Variants in HSPA4 observed in about 807,000 individuals in gnomAD.
The protein encoded by HSPA4 is heat shock protein family A (Hsp70) member 4.
HSPA4 carries 25 observed loss-of-function variants against 106.2 expected under a neutral mutation model. The observed-to-expected ratio is 0.24, with a 90% confidence interval of 0.17 to 0.33. The LOEUF (loss-of-function observed/expected upper bound fraction) is 0.33. HSPA4 is among the 10% of genes least tolerant of loss of function. The pLI is 1.00. For synonymous variants in HSPA4, 332 were observed against 333.6 expected (o/e 1.00, Z 0.05); for missense variants, 841 against 996.0 (o/e 0.84, Z 2.10).
intron 3 of HSPA4, among the ~76,000 whole-genome samples, chr5:133,068,748 A>G (rs371455446): frequency 3.3e-5 from 5 of 152,144 alleles, no homozygotes; most frequent in East Asian, 1.9e-4. Flanking sequence ...GAAATGTGCA[A>G]TACTTATTAG....
Position 133,099,576 on chromosome 5 carries a change from A to T in HSPA4, c.1961A>T (p.Asp654Val). 6.2e-6 allele frequency: 10 copies of T among 1,600,754 alleles called. No individual in the cohort carries two copies. Among genetic ancestry groups the T allele is most frequent in the South Asian group, 1.1e-5 (1 of 90,200 alleles). ...AACAGTTTTACTTTGAAACTGGAAG[A>T]TACTGAAAATTGGTTGTATGAGGAT... ...DRNSFTLKLEDTENWLYEDGE... is the reference protein window; with the variant it reads ...DRNSFTLKLEVTENWLYEDGE... Residue 654 changes from aspartate to valine, a missense_variant, in exon 16 of 19, where the codon GAT becomes GTT. Physicochemically the swap from Asp to Val is radical, Grantham distance 152. Coordinates refer to ENST00000304858, the MANE Select transcript of HSPA4 (RefSeq NM_002154.4).
intron 6 of HSPA4, among the ~76,000 whole-genome samples, chr5:133,074,616 C>T (rs1206796531): frequency 6.6e-6 from 1 of 152,154 alleles, no homozygotes; most frequent in African/African-American, 2.4e-5. Context: ...GTGAATTTTA[C>T]ACTGGGGATT....
intron 7 of HSPA4, among the ~76,000 whole-genome samples, chr5:133,083,168 CG>C (rs1320526259): frequency 6.6e-6 from 1 of 150,724 alleles, no homozygotes; most frequent in Non-Finnish European, 1.5e-5. Context: ...AAAAATTACC[CG>C]GGCTTGGTGG....
intron 5 of HSPA4, 118 bp downstream of exon 5, chr5:133,073,447 A>G (rs541397885): frequency 3.0e-6 from 2 of 659,120 alleles, no homozygotes; most frequent in South Asian, 1.9e-5. Flanking sequence ...CTTGCTTACC[A>G]CTGTGGTCAT....
At chr5:133,088,886 T>C (rs935330865) in intron 9 of HSPA4, among the ~76,000 whole-genome samples, 169 bp from the exon 10 acceptor site, 15 of 152,196 alleles carry the variant, frequency 9.9e-5, no homozygotes, top group African/African-American at 3.1e-4. Flanking sequence ...ATTATATAGG[T>C]AATTGACATG....
chr5:133,066,715 A>G (rs1325532679), intron 2 of HSPA4, among the ~76,000 whole-genome samples: 1 of 141,110 alleles, frequency 7.1e-6, no homozygotes, highest in Non-Finnish European at 1.6e-5. Flanking sequence ...TTTCACTGGA[A>G]TTTTTTTTCT....
chr5:133,092,835 T>G, intron 13 of HSPA4, 46 bp downstream of exon 13: 1 of 881,378 alleles, frequency 1.1e-6, no homozygotes, highest in Non-Finnish European at 1.7e-6. Flanking sequence ...TTTTTTTTTT[T>G]TTTGAGACAG....
intron 9 of HSPA4, 92 bp downstream of exon 9, chr5:133,088,647 G>T: frequency 9.0e-7 from 1 of 1,105,844 alleles, no homozygotes. Flanking sequence ...GATTAGCTCA[G>T]GGTGACTTCA....
Position 133,052,200 on chromosome 5 carries a change from T to A in HSPA4, c.-51T>A. 7.8e-7 allele frequency: 1 copy of A among 1,290,270 alleles called. No individual in the cohort carries two copies. The highest frequency in any genetic ancestry group is 2.5e-5 in the East Asian group (1 of 39,976). 79.9% of individuals were successfully genotyped at this position (1,290,270 alleles called of 1,614,324 possible). On this transcript the variant is annotated 5_prime_UTR_variant, in exon 1 of 19. Coordinates refer to ENST00000304858, the MANE Select transcript of HSPA4 (RefSeq NM_002154.4). Reference sequence around the variant, plus strand: ...TCGCTAGCCCCGCCGGGGGTCCGTGTCCTGTCTCGGTGGCCGGACCCGGGC... The same window carrying A: ...TCGCTAGCCCCGCCGGGGGTCCGTGACCTGTCTCGGTGGCCGGACCCGGGC...
In HSPA4 at chr5:133,106,128, TTTTTTTTTTTTTG is replaced by T. The variant is rs1262296904; in HGVS notation, c.*1693_*1705del. ...TTTTTTTTTTTTTTTTTTTTTTTTT[TTTTTTTTTTTTTG>T]GTGTGTGTGTGTGTGTGTGTGGGGA... is the stretch of plus-strand genomic sequence containing the variant. On this transcript the variant is annotated 3_prime_UTR_variant, in exon 19 of 19. Coordinates refer to ENST00000304858, the MANE Select transcript of HSPA4 (RefSeq NM_002154.4). The T allele has an allele frequency of 1.0e-3, 72 of 70,284 alleles. No individual in the cohort carries two copies. The highest frequency in any genetic ancestry group is 2.2e-3 in the South Asian group (4 of 1,846). 4.4% of individuals were successfully genotyped at this position (70,284 alleles called of 1,614,324 possible). A position where few individuals can be genotyped will look rare whatever the true frequency, so the allele number is the denominator to read the frequency against.
chr5:133,073,369 C>G (rs748367872), intron 5 of HSPA4, 40 bp downstream of exon 5: 3 of 1,357,180 alleles, frequency 2.2e-6, no homozygotes, highest in Non-Finnish European at 3.1e-6. Flanking sequence ...CTTGGTTAAT[C>G]TTGAAGATTG....
intron 8 of HSPA4, among the ~76,000 whole-genome samples, 184 bp downstream of exon 8, chr5:133,087,042 G>T (rs1765586403): frequency 6.6e-6 from 1 of 152,056 alleles, no homozygotes; most frequent in African/African-American, 2.4e-5. Flanking sequence ...GAAATGTCTA[G>T]GGAAATCTAA....
intron 13 of HSPA4, among the ~76,000 whole-genome samples, chr5:133,095,521 G>A (rs931507310): frequency 1.2e-4 from 19 of 152,148 alleles, no homozygotes; most frequent in African/African-American, 4.6e-4. Flanking sequence ...AGTGGAATGA[G>A]TTTTTTCCTT....
intron 6 of HSPA4, among the ~76,000 whole-genome samples, chr5:133,075,224 G>A (rs1321702682): frequency 6.6e-6 from 1 of 152,076 alleles, no homozygotes; most frequent in African/African-American, 2.4e-5. Flanking sequence ...AGCTATAAAT[G>A]GTGGACCAAA....
At position 133,070,354 on chromosome 5, in the gene HSPA4, C is replaced by A. The variant is rs377221727; in HGVS notation, c.307-20C>A. ...GAAAGAAATATAATAAGTCTAGGCC[C>A]CTTTGTTGTTTTCTTGCAGGTGACA... On this transcript the variant is annotated intron_variant, in intron 3 of 18. Coordinates refer to ENST00000304858, the MANE Select transcript of HSPA4 (RefSeq NM_002154.4). 1 of 1,605,164 alleles carries A rather than the reference C, an allele frequency of 6.2e-7. No homozygotes were observed. The highest frequency in any genetic ancestry group is 1.1e-5 in the South Asian group (1 of 89,472).
Position 133,104,976 on chromosome 5 carries a change from C to T in HSPA4, c.*540C>T, listed in dbSNP as rs1765838170. On this transcript the variant is annotated 3_prime_UTR_variant, in exon 19 of 19. Transcript: ENST00000304858. ...CTTCATATTTCACCTTCACCCTCACCTGTGTTCTCTTCCCTCTCTCCCAAT... is the reference window on the plus strand; with the variant it reads ...CTTCATATTTCACCTTCACCCTCACTTGTGTTCTCTTCCCTCTCTCCCAAT... 6.5e-6 allele frequency: 1 copy of T among 153,152 alleles called. No individual in the cohort carries two copies. The highest frequency in any genetic ancestry group is 2.4e-5 in the African/African-American group (1 of 41,442). 9.5% of individuals were successfully genotyped at this position (153,152 alleles called of 1,614,324 possible).
chr5:133,086,883 G>T (rs375369566), intron 8 of HSPA4, 25 bp downstream of exon 8: 1 of 1,509,890 alleles, frequency 6.6e-7, no homozygotes, highest in Non-Finnish European at 9.2e-7. Flanking sequence ...GATTGAATTT[G>T]TTTGCGTATC....
chr5:133,052,023 C>T lies in HSPA4; in HGVS notation c.-228C>T. The stretch of plus-strand genomic sequence containing the variant: ...GCAACGAGATCTTTCGAGATCTTCT[C>T]CGCCCCCGCTACCGGCGCCTCCTCT... On this transcript the variant is annotated 5_prime_UTR_variant, in exon 1 of 19. Transcript: ENST00000304858. The T allele has an allele frequency of 7.3e-6, 4 of 545,698 alleles. No individual in the cohort carries two copies. The highest frequency in any genetic ancestry group is 2.2e-5 in the South Asian group (1 of 45,050). The allele number at this position is 545,698 out of a possible 1,614,324, so 33.8% of individuals were successfully genotyped here.
chr5:133,094,046 T>C (rs1260808789), intron 13 of HSPA4, among the ~76,000 whole-genome samples: 1 of 152,200 alleles, frequency 6.6e-6, no homozygotes, highest in Non-Finnish European at 1.5e-5. Flanking sequence ...GAGCTGAGAT[T>C]GTGCCACTGC....
Sources: allele counts gnomAD v4.1 joint callset (sites outside exome capture counted in the v4.1 genomes callset), GRCh38; gene constraint gnomAD v4.1.1; transcripts MANE v1.5; gene names NCBI Gene and HGNC (gene_info 2026-07-23, HGNC 2026-07-21).